Variants in BIRC5 observed in about 807,000 individuals in gnomAD.
BIRC5 encodes baculoviral IAP repeat-containing protein 5.
A neutral mutation model predicts 15.8 loss-of-function variants in BIRC5; 8 were observed. The ratio of observed to expected loss-of-function variants is 0.51; its 90% CI spans 0.30 to 0.91. The LOEUF is 0.91. Ranked by LOEUF, BIRC5 falls within the 40% of genes least tolerant of loss-of-function variation. The probability of loss-of-function intolerance (pLI) is 0.07; values close to 1 mark genes in which losing one functional copy is unlikely to be tolerated. For synonymous variants in BIRC5, 56 were observed against 64.5 expected, an observed-to-expected ratio of 0.87 and a Z score of 0.63; for missense variants, 163 against 178.6, an observed-to-expected ratio of 0.91 and a Z score of 0.50.
chr17:78,222,956 A>C, intron 3 of BIRC5: 2 of 1,525,458 alleles, frequency 1.3e-6, no homozygotes, highest in Non-Finnish European at 1.8e-6. Flanking sequence ...ATGAAGAGGA[A>C]GGCTCTGGAC....
At position 78,214,310 on chromosome 17, in the gene BIRC5, C is replaced by G. The variant is rs749745235; in HGVS notation, c.-7C>G. On this transcript the variant is annotated 5_prime_UTR_variant, in exon 1 of 4. Transcript: ENST00000350051. Reference sequence around the variant, plus strand: ...CGGGACCCGTTGGCAGAGGTGGCGGCGGCGGCATGGGTGCCCCGACGTTGC... The same window carrying G: ...CGGGACCCGTTGGCAGAGGTGGCGGGGGCGGCATGGGTGCCCCGACGTTGC... 6.3e-7 allele frequency: 1 copy of G among 1,599,870 alleles called. No individual in the cohort carries two copies. Among genetic ancestry groups the G allele is most frequent in the Admixed American group, 1.7e-5 (1 of 58,076 alleles).
Position 78,214,331 on chromosome 17 carries a change from G to A in BIRC5, c.15G>A (p.Thr5=). 6.2e-7 allele frequency: 1 copy of A among 1,607,652 alleles called. No individual in the cohort carries two copies. The highest frequency in any genetic ancestry group is 8.5e-7 in the Non-Finnish European group (1 of 1,177,694). Residue 5 remains threonine (T), a synonymous_variant, in exon 1 of 4, where the codon ACG becomes ACA. Transcript: ENST00000350051. ...GCGGCGGCGGCATGGGTGCCCCGAC[G>A]TTGCCCCCTGCCTGGCAGCCCTTTC... is the stretch of plus-strand genomic sequence containing the variant. The part of the protein sequence containing the change: MGAP[T]LPPAWQPFLK...
At chr17:78,223,421 G>T in intron 3 of BIRC5, 44 bp from the exon 4 acceptor site, 1 of 1,507,160 alleles carries the variant, frequency 6.6e-7, no homozygotes. Context: ...GATGTGACTG[G>T]GAAGCTCTGG....
In BIRC5 at chr17:78,216,796, T is replaced by TA. The variant is rs2076481455; in HGVS notation, c.339+17dup. The TA allele has an allele frequency of 1.9e-6, 3 of 1,585,980 alleles. No homozygotes were observed. Among genetic ancestry groups the TA allele is most frequent in the Non-Finnish European group, 2.6e-6 (3 of 1,156,836 alleles). On this transcript the variant is annotated intron_variant, in intron 3 of 3. Coordinates refer to ENST00000350051, the MANE Select transcript of BIRC5 (RefSeq NM_001168.3). ...AGAACAAAATTGTATGTATTGGGAATAAGAACTGCTCAAACCCTGTTCAAT... is the reference window on the plus strand; with the variant it reads ...AGAACAAAATTGTATGTATTGGGAATAAAGAACTGCTCAAACCCTGTTCAAT...
intron 3 of BIRC5, among the ~76,000 whole-genome samples, chr17:78,219,708 G>C (rs2076502736): frequency 6.6e-6 from 1 of 152,208 alleles, no homozygotes. Context: ...TCGTGGGTCA[G>C]AGTCTCTGTT....
chr17:78,220,399 G>A (rs17879715), intron 3 of BIRC5, among the ~76,000 whole-genome samples: 69 of 143,170 alleles, frequency 4.8e-4, no homozygotes, highest in African/African-American at 1.8e-3. Context: ...CTGCACTCCA[G>A]CCTGGGCGAC....
intron 3 of BIRC5, among the ~76,000 whole-genome samples, chr17:78,220,074 G>T (rs999533888): frequency 6.6e-6 from 1 of 151,282 alleles, no homozygotes; most frequent in African/African-American, 2.4e-5. Flanking sequence ...GGGTTACAGG[G>T]ATGAAGATGC....
At chr17:78,218,207 T>A (rs1202031011) in intron 3 of BIRC5, among the ~76,000 whole-genome samples, 1 of 152,016 alleles carries the variant, frequency 6.6e-6, no homozygotes, top group East Asian at 1.9e-4. Flanking sequence ...AAATCCCACA[T>A]TTTGTGTCAG....
In BIRC5 at chr17:78,222,274, C is replaced by A. The variant is rs1599032813; in HGVS notation, c.340-1191C>A. Among the ~76,000 whole-genome samples the A allele has an allele frequency of 2.0e-5, 3 of 148,408 alleles. 1 individual carries two copies. The South Asian group carries it at 6.3e-4, about 31-fold the overall frequency. On this transcript the variant is annotated intron_variant, in intron 3 of 3. Transcript: ENST00000350051. ...ATTTATTATTTTTAAATTAAATTTT[C>A]TTTTAATAATTTATAAATTATAAAT...
chr17:78,222,907 G>C lies in BIRC5; in HGVS notation c.340-558G>C, dbSNP rs1326350612. On this transcript the variant is annotated intron_variant, in intron 3 of 3. Transcript: ENST00000350051. The stretch of plus-strand genomic sequence containing the variant: ...TGGAAGCAAAAGAATTTCTGTTCGA[G>C]GAAGAGCCTGATGTTTGCCAGGGTC... The C allele has an allele frequency of 5.2e-6, 8 of 1,535,252 alleles. No homozygotes were observed. The East Asian group carries it at 1.7e-4, about 33-fold the overall frequency.
intron 3 of BIRC5, among the ~76,000 whole-genome samples, chr17:78,218,535 C>T (rs2076495711): frequency 6.7e-6 from 1 of 149,242 alleles, no homozygotes; most frequent in Non-Finnish European, 1.5e-5. Context: ...TGTGATCTGC[C>T]CGCTTTAGCC....
Position 78,223,515 on chromosome 17 carries a change from AGTGCGCC to A in BIRC5, c.395_401del (p.Arg132ProfsTer44). 1 of 1,611,826 alleles carries A rather than the reference AGTGCGCC, an allele frequency of 6.2e-7. No individual in the cohort carries two copies. Among genetic ancestry groups the A allele is most frequent in the Non-Finnish European group, 8.5e-7 (1 of 1,179,076 alleles). The stretch of plus-strand genomic sequence containing the variant: ...AAGAATTTGAGGAAACTGCGGAGAA[AGTGCGCC>A]GTGCCATCGAGCAGCTGGCTGCCAT... On this transcript the variant is annotated frameshift_variant, in exon 4 of 4. Transcript: ENST00000350051. LOFTEE classifies it high-confidence loss of function.
chr17:78,217,558 G>A (rs910661606), intron 3 of BIRC5, among the ~76,000 whole-genome samples: 30 of 151,792 alleles, frequency 2.0e-4, no homozygotes, highest in Admixed American at 2.6e-4. Flanking sequence ...GTGCAGCGAC[G>A]GGATCTCGGC....
In BIRC5 at chr17:78,223,016, G is replaced by A. The variant is rs1041706011; in HGVS notation, c.340-449G>A. On this transcript the variant is annotated intron_variant, in intron 3 of 3. Transcript: ENST00000350051. ...AGGTAGGGCAGTGGTTAAGAGCAGA[G>A]CTCTGCCTAGACTAGCTGGGGTGCC... The A allele has an allele frequency of 3.4e-6, 5 of 1,452,432 alleles. No individual in the cohort carries two copies. The African/African-American group carries it at 7.1e-5, about 21-fold the overall frequency. 90.0% of individuals were successfully genotyped at this position (1,452,432 alleles called of 1,614,324 possible).
Position 78,214,334 on chromosome 17 carries a change from GC to G in BIRC5, c.23del (p.Pro8LeufsTer67). The G allele has an allele frequency of 6.2e-7, 1 of 1,608,068 alleles. No individual in the cohort carries two copies. Among genetic ancestry groups the G allele is most frequent in the Non-Finnish European group, 8.5e-7 (1 of 1,177,838 alleles). On this transcript the variant is annotated frameshift_variant, in exon 1 of 4. Transcript: ENST00000350051. LOFTEE classifies it high-confidence loss of function. ...GCGGCGGCATGGGTGCCCCGACGTT[GC>G]CCCCTGCCTGGCAGCCCTTTCTCAA... Reference protein sequence around the residue: MGAPTLPPAWQPFLKDH... With the variant: MGAPTLXPAWQPFLKDH...
At chr17:78,218,304 T>A (rs2076493779) in intron 3 of BIRC5, among the ~76,000 whole-genome samples, 1 of 151,394 alleles carries the variant, frequency 6.6e-6, no homozygotes, top group Non-Finnish European at 1.5e-5. Flanking sequence ...ATTTTTAATT[T>A]TTTTTTTTGA....
chr17:78,217,546 G>C (rs1407070223), intron 3 of BIRC5, among the ~76,000 whole-genome samples: 2 of 151,902 alleles, frequency 1.3e-5, no homozygotes, highest in Non-Finnish European at 2.9e-5. Flanking sequence ...GCCCAGGCTA[G>C]AGTGCAGCGA....
At chr17:78,216,860 C>A in intron 3 of BIRC5, 79 bp downstream of exon 3, 22 of 1,027,396 alleles carry the variant, frequency 2.1e-5, no homozygotes, top group Non-Finnish European at 2.9e-5. Flanking sequence ...CAAAGGGACT[C>A]TGTGTTTTCC....
At position 78,214,297 on chromosome 17, in the gene BIRC5, G is replaced by A. The variant is rs748438531; in HGVS notation, c.-20G>A. ...CAGATTTGAATCGCGGGACCCGTTG[G>A]CAGAGGTGGCGGCGGCGGCATGGGT... is the stretch of plus-strand genomic sequence containing the variant. On this transcript the variant is annotated 5_prime_UTR_variant, in exon 1 of 4. Coordinates refer to ENST00000350051, the MANE Select transcript of BIRC5 (RefSeq NM_001168.3). 2 of 1,594,666 alleles carry A rather than the reference G, an allele frequency of 1.3e-6. No homozygotes were observed. Among genetic ancestry groups the A allele is most frequent in the Non-Finnish European group, 1.7e-6 (2 of 1,170,860 alleles).
Sources: gnomAD v4.1 joint callset for allele counts (sites outside exome capture counted in the v4.1 genomes callset) on GRCh38, gnomAD v4.1.1 for gene constraint, MANE v1.5 for transcripts, NCBI Gene and HGNC (gene_info 2026-07-23, HGNC 2026-07-21) for gene names.